UBE2H: variants seen among roughly 807,000 people sequenced by gnomAD.
UBE2H encodes the protein ubiquitin conjugating enzyme E2 H.
In UBE2H, 3 loss-of-function variants were observed where a neutral mutation model predicts 29.0. The ratio of observed to expected loss-of-function variants is 0.10; its 90% confidence interval spans 0.05 to 0.27. The LOEUF (loss-of-function observed/expected upper bound fraction) is 0.27. Ranked by LOEUF, UBE2H falls within the 10% of genes least tolerant of loss-of-function variation. The pLI, the probability that UBE2H is intolerant of heterozygous loss-of-function variation, is 1.00. For synonymous variants in UBE2H, 69 were observed against 82.9 expected (o/e 0.83, Z 0.91); for missense variants, 68 against 228.2 (o/e 0.30, Z 4.52).
rs376767940 is a variant in UBE2H, at chr7:129,890,385, A to G, written c.54-9414T>C. Among the ~76,000 whole-genome samples, 16 of 151,776 alleles carry G rather than the reference A, an allele frequency of 1.1e-4. No individual in the cohort carries two copies. The East Asian group carries it at 3.1e-3, about 29-fold the overall frequency. On this transcript the variant is annotated intron_variant, in intron 1 of 6. Coordinates refer to ENST00000355621, the MANE Select transcript of UBE2H (RefSeq NM_003344.4). ...CATATATATACACACACTTATATAT[A>G]TATTTTTTTTAAAGATGGAGTTTTG...
chr7:129,839,646 C>T (rs1170714386), intron 5 of UBE2H: 1 of 296,750 alleles, frequency 3.4e-6, no homozygotes, highest in African/African-American at 2.3e-5. Context: ...ACAAAACCCC[C>T]CACTCTGAAA....
intron 1 of UBE2H, among the ~76,000 whole-genome samples, chr7:129,883,117 A>G (rs1370534937): frequency 6.6e-6 from 1 of 152,252 alleles, no homozygotes; most frequent in African/African-American, 2.4e-5. Context: ...TCTTCACTAT[A>G]AACAATGAAA....
intron 1 of UBE2H, among the ~76,000 whole-genome samples, chr7:129,890,286 C>A (rs1051248533): frequency 6.7e-6 from 1 of 149,770 alleles, no homozygotes; most frequent in East Asian, 2.0e-4. Flanking sequence ...TATATATATA[C>A]ACGTGTATAT....
intron 1 of UBE2H, among the ~76,000 whole-genome samples, chr7:129,901,024 A>G (rs1013350680): frequency 6.6e-6 from 1 of 152,276 alleles, no homozygotes; most frequent in Middle Eastern, 3.4e-3. Flanking sequence ...TGCTGGGATT[A>G]ACAGGCGTGA....
intron 2 of UBE2H, 62 bp from the exon 3 acceptor site, chr7:129,879,704 T>A: frequency 6.8e-7 from 1 of 1,471,362 alleles, no homozygotes; most frequent in Non-Finnish European, 9.4e-7. Context: ...TAAATCTGAG[T>A]GTAAATTAAA....
chr7:129,900,280 A>C (rs1052722674), intron 1 of UBE2H, among the ~76,000 whole-genome samples: 13 of 152,350 alleles, frequency 8.5e-5, no homozygotes, highest in African/African-American at 3.1e-4. Context: ...ATGTGTTCTC[A>C]CAAAAGAATG....
intron 1 of UBE2H, among the ~76,000 whole-genome samples, chr7:129,908,776 T>C (rs531031318): frequency 2.0e-5 from 3 of 152,294 alleles, no homozygotes; most frequent in African/African-American, 7.2e-5. Flanking sequence ...CAATCTATGA[T>C]TATCCCCAAC....
chr7:129,929,075 T>C (rs554519403), intron 1 of UBE2H, among the ~76,000 whole-genome samples: 140 of 152,236 alleles, frequency 9.2e-4, no homozygotes, highest in African/African-American at 3.3e-3. Flanking sequence ...TCCCAGCACT[T>C]TGGGAGGCCG....
chr7:129,862,637 C>G (rs1584750565), intron 3 of UBE2H, among the ~76,000 whole-genome samples: 1 of 152,076 alleles, frequency 6.6e-6, no homozygotes, highest in Non-Finnish European at 1.5e-5. Context: ...AGGAGAAGGT[C>G]ACTATAGAGG....
chr7:129,851,091 A>G (rs1352676009), intron 5 of UBE2H, among the ~76,000 whole-genome samples: 2 of 152,178 alleles, frequency 1.3e-5, no homozygotes, highest in African/African-American at 4.8e-5. Context: ...TTTCCCATTC[A>G]TTGCCTAATT....
At chr7:129,921,731 TA>T (rs1360197338) in intron 1 of UBE2H, among the ~76,000 whole-genome samples, 15 of 150,964 alleles carry the variant, frequency 9.9e-5, no homozygotes, top group Non-Finnish European at 2.1e-4. Context: ...CTTCATAAAT[TA>T]TTAGAATGAA....
At chr7:129,878,322 A>T (rs891480699) in intron 3 of UBE2H, among the ~76,000 whole-genome samples, 26 of 152,230 alleles carry the variant, frequency 1.7e-4, no homozygotes, top group African/African-American at 6.3e-4. Flanking sequence ...TTCTGATTCA[A>T]CTGGTTAGGA....
intron 1 of UBE2H, among the ~76,000 whole-genome samples, chr7:129,894,711 A>T (rs1235055581): frequency 6.6e-6 from 1 of 150,586 alleles, no homozygotes; most frequent in African/African-American, 2.4e-5. Flanking sequence ...CTGGTCTCAA[A>T]CTCCTGACCT....
In UBE2H at chr7:129,834,677, A is replaced by G. The variant is rs542858689; in HGVS notation, c.*260T>C. ...CAGTAGCACACAGGCTGACTTGGCCACATGGACTCATGAATGCATGCATTC... is the reference window on the plus strand; with the variant it reads ...CAGTAGCACACAGGCTGACTTGGCCGCATGGACTCATGAATGCATGCATTC... On this transcript the variant is annotated 3_prime_UTR_variant, in exon 7 of 7. Transcript: ENST00000355621. 1.5e-5 allele frequency: 5 copies of G among 328,434 alleles called. No homozygotes were observed. The highest frequency in any genetic ancestry group is 2.8e-5 in the Non-Finnish European group (5 of 180,222). The allele number at this position is 328,434 out of a possible 1,614,324, so 20.3% of individuals were successfully genotyped here. A position where few individuals can be genotyped will look rare whatever the true frequency, so the allele number is the denominator to read the frequency against.
chr7:129,918,451 T>A (rs373891837), intron 1 of UBE2H, among the ~76,000 whole-genome samples: 16 of 151,894 alleles, frequency 1.1e-4, no homozygotes, highest in East Asian at 3.9e-4. Flanking sequence ...CTCTGCCTCC[T>A]GGGTTCAAAT....
chr7:129,882,655 A>G (rs553547845), intron 1 of UBE2H, among the ~76,000 whole-genome samples: 2 of 152,350 alleles, frequency 1.3e-5, no homozygotes, highest in East Asian at 3.9e-4. Context: ...TACTGTCCAC[A>G]TAGGAAAACT....
chr7:129,912,066 T>C (rs1806948492), intron 1 of UBE2H, among the ~76,000 whole-genome samples: 1 of 152,108 alleles, frequency 6.6e-6, no homozygotes, highest in Non-Finnish European at 1.5e-5. Flanking sequence ...GCCTTTATTA[T>C]GAGATAGAAT....
intron 1 of UBE2H, among the ~76,000 whole-genome samples, chr7:129,937,722 C>G (rs921471902): frequency 6.6e-6 from 1 of 152,158 alleles, no homozygotes; most frequent in Non-Finnish European, 1.5e-5. Context: ...TTTCCTTCTT[C>G]CAACCATAAA....
At chr7:129,868,956 GAC>G (rs1269766321) in intron 3 of UBE2H, among the ~76,000 whole-genome samples, 1 of 136,900 alleles carries the variant, frequency 7.3e-6, no homozygotes, top group Non-Finnish European at 1.6e-5. Flanking sequence ...TTTTTTTGGA[GAC>G]AGAGTTTCAT....
Sources: allele counts gnomAD v4.1 joint callset (sites outside exome capture counted in the v4.1 genomes callset), GRCh38; gene constraint gnomAD v4.1.1; transcripts MANE v1.5; gene names NCBI Gene and HGNC (gene_info 2026-07-23, HGNC 2026-07-21).